PDPN: variants seen among roughly 807,000 people sequenced by gnomAD.
The protein encoded by PDPN is PA2.26 antigen.
A neutral mutation model predicts 23.2 loss-of-function variants in PDPN; 12 were observed. The observed-to-expected ratio is 0.52, with a 90% CI of 0.33 to 0.84. The LOEUF is 0.84. Ranked by LOEUF, PDPN falls within the 40% of genes least tolerant of loss-of-function variation. PDPN has a pLI of 0.02. For synonymous variants in PDPN, 77 were observed against 76.7 expected (o/e 1.00, Z -0.02); for missense variants, 199 against 212.2 (o/e 0.94, Z 0.39).
chr1:13,593,828 G>A (rs1013799811), intron 1 of PDPN, among the ~76,000 whole-genome samples: 3 of 152,220 alleles, frequency 2.0e-5, no homozygotes, highest in Non-Finnish European at 4.4e-5. Context: ...GCAGGTTTTT[G>A]TCATTTGGTA....
chr1:13,601,281 T>G (rs1486819090), intron 1 of PDPN, among the ~76,000 whole-genome samples: 1 of 152,128 alleles, frequency 6.6e-6, no homozygotes, highest in Non-Finnish European at 1.5e-5. Context: ...AGAGGGCCCA[T>G]GTGGAGTGGG....
chr1:13,613,708 A>G lies in PDPN; in HGVS notation c.353A>G (p.Gln118Arg), dbSNP rs752758456. Residue 118 changes from glutamine to arginine, a missense_variant, in exon 4 of 6, where the codon CAG becomes CGG. By Grantham distance (43) the Gln-to-Arg change is conservative (BLOSUM62 1). Transcript: ENST00000621990. ...HSTEKVDGDT[Q>R]TTVEKDGLST... is the part of the protein sequence containing the mutation. ...ACAGAGAAAGTGGATGGAGACACAC[A>G]GACAACAGTTGAGAAAGGTAGGCTA... The G allele has an allele frequency of 2.2e-5, 33 of 1,499,348 alleles. No homozygotes were observed. The Admixed American group carries it at 5.5e-4, about 25-fold the overall frequency. 92.9% of individuals were successfully genotyped at this position (1,499,348 alleles called of 1,614,324 possible).
At chr1:13,587,842 C>A (rs1640220830) in intron 1 of PDPN, among the ~76,000 whole-genome samples, 1 of 152,136 alleles carries the variant, frequency 6.6e-6, no homozygotes, top group Admixed American at 6.6e-5. Flanking sequence ...TGTTTCCTTC[C>A]CACATGTCTA....
intron 1 of PDPN, chr1:13,595,856 G>A (rs1171718708): frequency 7.8e-7 from 1 of 1,288,176 alleles, no homozygotes; most frequent in Non-Finnish European, 1.0e-6. Flanking sequence ...CGGGGGTGAA[G>A]CCTGGTGGAC....
At chr1:13,585,731 G>C in intron 1 of PDPN, 2 of 1,044,354 alleles carry the variant, frequency 1.9e-6, no homozygotes, top group Non-Finnish European at 2.7e-6. Context: ...GGGGCTGGCT[G>C]AGTGAGGGTG....
chr1:13,615,110 T>C (rs1203265388), intron 5 of PDPN, among the ~76,000 whole-genome samples: 1 of 152,098 alleles, frequency 6.6e-6, no homozygotes, highest in Non-Finnish European at 1.5e-5. Flanking sequence ...CCACTGAGGA[T>C]GGGGTCTTTT....
At chr1:13,597,881 G>A (rs1640536937) in intron 1 of PDPN, among the ~76,000 whole-genome samples, 1 of 152,004 alleles carries the variant, frequency 6.6e-6, no homozygotes, top group Admixed American at 6.5e-5. Context: ...AGGCTAAGGT[G>A]GGAGGATCAC....
At position 13,615,927 on chromosome 1, in the gene PDPN, C is replaced by T. The variant is rs748322864; in HGVS notation, c.*16C>T. ...CAGGCCCTAAAGAGCTGAAGGGTTA[C>T]GCCCTGCTGCCAACGTGCTTAAAAA... On this transcript the variant is annotated 3_prime_UTR_variant, in exon 6 of 6. Transcript: ENST00000621990. The T allele has an allele frequency of 1.9e-5, 30 of 1,612,090 alleles. No homozygotes were observed. The highest frequency in any genetic ancestry group is 1.1e-4 in the African/African-American group (8 of 74,860).
At chr1:13,588,303 A>G (rs547366300) in intron 1 of PDPN, among the ~76,000 whole-genome samples, 1 of 152,272 alleles carries the variant, frequency 6.6e-6, no homozygotes, top group African/African-American at 2.4e-5. Context: ...TGCCAGATAC[A>G]CAGAGTGTAA....
rs536312802 is a variant in PDPN at position 13,597,346 on chromosome 1, G to A, written c.68-9827G>A. ...AAGATGCTACAAAACACTGAGCAAC[G>A]TGAAAGACCCTTTTAATCTGTTGAC... On this transcript the variant is annotated intron_variant, in intron 1 of 5. Coordinates refer to ENST00000621990, the MANE Select transcript of PDPN (RefSeq NM_006474.5). 1.3e-4 allele frequency among the ~76,000 whole-genome samples: 20 copies of A among 152,312 alleles called. No individual in the cohort carries two copies. In the South Asian group the frequency reaches 1.7e-3, roughly 13 times the overall value.
At position 13,615,900 on chromosome 1, in the gene PDPN, C is replaced by A; in HGVS notation, c.483-5C>A. On this transcript the variant is annotated splice_region_variant and splice_polypyrimidine_tract_variant and intron_variant, in intron 5 of 5. Coordinates refer to ENST00000621990, the MANE Select transcript of PDPN (RefSeq NM_006474.5). ...CACGACCGTCACCCTTCTCTATTTT[C>A]ACAGGCCCTAAAGAGCTGAAGGGTT... 6.2e-7 allele frequency: 1 copy of A among 1,613,152 alleles called. No homozygotes were observed. The highest frequency in any genetic ancestry group is 8.5e-7 in the Non-Finnish European group (1 of 1,179,116).
At chr1:13,605,910 C>T (rs1171849646) in intron 1 of PDPN, among the ~76,000 whole-genome samples, 4 of 151,546 alleles carry the variant, frequency 2.6e-5, no homozygotes, top group African/African-American at 9.7e-5. Context: ...CGTGAGCCAC[C>T]ACACCTGGCC....
chr1:13,583,910 C>T lies in PDPN; in HGVS notation c.-124C>T, dbSNP rs201766470. The T allele has an allele frequency of 5.0e-6, 8 of 1,611,966 alleles. No homozygotes were observed. Among genetic ancestry groups the T allele is most frequent in the Non-Finnish European group, 5.9e-6 (7 of 1,178,880 alleles). On this transcript the variant is annotated 5_prime_UTR_variant, in exon 1 of 6. Coordinates refer to ENST00000621990, the MANE Select transcript of PDPN (RefSeq NM_006474.5). The stretch of plus-strand genomic sequence containing the variant: ...CCCTCTCCGGGGCTCCTGCTCCCAC[C>T]CCTCCGGCCCCCCCACCGTCGCGCT...
chr1:13,594,283 A>T (rs1640430770), intron 1 of PDPN, among the ~76,000 whole-genome samples: 1 of 152,148 alleles, frequency 6.6e-6, no homozygotes, highest in African/African-American at 2.4e-5. Context: ...TTTAGAGGAG[A>T]TTACTTTCTC....
Position 13,610,497 on chromosome 1 carries a change from G to T in PDPN, c.312G>T (p.Val104=). 1 of 1,613,758 alleles carries T rather than the reference G, an allele frequency of 6.2e-7. No individual in the cohort carries two copies. Among genetic ancestry groups the T allele is most frequent in the African/African-American group, 1.3e-5 (1 of 75,002 alleles). The change falls in exon 3 of 6, where the codon GTG becomes GTT. Residue 104 remains valine (V), a synonymous_variant. Coordinates refer to ENST00000621990, the MANE Select transcript of PDPN (RefSeq NM_006474.5). The part of the protein sequence containing the change: ...EQSPSATASN[V]ATSHSTEKVD... Reference sequence around the variant, plus strand: ...GTCCAAGCGCCACAGCCTCAAACGTGGCCACCAGTCACTCCACGGGTAAGA... The same window carrying T: ...GTCCAAGCGCCACAGCCTCAAACGTTGCCACCAGTCACTCCACGGGTAAGA...
At chr1:13,596,662 G>C (rs892040857) in intron 1 of PDPN, among the ~76,000 whole-genome samples, 1 of 152,214 alleles carries the variant, frequency 6.6e-6, no homozygotes, top group African/African-American at 2.4e-5. Flanking sequence ...GGCGTGTTCA[G>C]AGTGGTGTGG....
intron 5 of PDPN, among the ~76,000 whole-genome samples, chr1:13,615,076 G>A (rs946604748): frequency 1.3e-5 from 2 of 152,204 alleles, no homozygotes; most frequent in African/African-American, 2.4e-5. Context: ...TCACAGAGTC[G>A]GCAGCCCATT....
intron 1 of PDPN, among the ~76,000 whole-genome samples, chr1:13,605,715 C>T (rs1250325032): frequency 6.6e-6 from 1 of 152,112 alleles, no homozygotes; most frequent in African/African-American, 2.4e-5. Flanking sequence ...CCCCACCTCC[C>T]ATGTTCAAGC....
chr1:13,583,828 T>C, upstream of PDPN: 1 of 1,564,066 alleles, frequency 6.4e-7, no homozygotes, highest in African/African-American at 1.4e-5. Flanking sequence ...CTCGGAAAGT[T>C]CTCAACTGCA....
Sources: allele counts gnomAD v4.1 joint callset (sites outside exome capture counted in the v4.1 genomes callset), GRCh38; gene constraint gnomAD v4.1.1; transcripts MANE v1.5; gene names NCBI Gene and HGNC (gene_info 2026-07-23, HGNC 2026-07-21).